PCDHGB2: variants seen among roughly 807,000 people sequenced by gnomAD.
PCDHGB2 encodes the protein protocadherin gamma subfamily B, 2, also known as protocadherin gamma-B2.
PCDHGB2 carries 55 observed loss-of-function variants against 59.3 expected under a neutral mutation model. The ratio of observed to expected loss-of-function variants is 0.93; its 90% CI spans 0.75 to 1.16. The LOEUF is 1.16. Among genes scored for constraint, PCDHGB2 ranks in the 50% most tolerant of loss-of-function variants. The pLI is 0.00. For missense variants in PCDHGB2, 1,228 were observed against 1,198.5 expected, an observed-to-expected ratio of 1.02 and a Z score of -0.36; for synonymous variants, 516 against 512.0, an observed-to-expected ratio of 1.01 and a Z score of -0.11.
intron 1 of PCDHGB2, chr5:141,390,879 T>C (rs965843602): frequency 1.3e-5 from 2 of 153,458 alleles, no homozygotes; most frequent in African/African-American, 4.8e-5. Flanking sequence ...TGTGTGTGTG[T>C]GTGTGTGTGA....
chr5:141,510,400 TA>T (rs780031896), intron 3 of PCDHGB2, among the ~76,000 whole-genome samples: 12 of 151,920 alleles, frequency 7.9e-5, no homozygotes, highest in Non-Finnish European at 1.3e-4. Flanking sequence ...TGGCAAAGGC[TA>T]GGGGCATGTA....
rs368850413 is a variant in PCDHGB2, at chr5:141,400,711, C to T, written c.2421+38155C>T. 8.7e-6 allele frequency: 6 copies of T among 691,160 alleles called. No individual in the cohort carries two copies. The African/African-American group carries it at 9.0e-5, about 10-fold the overall frequency. The allele number at this position is 691,160 out of a possible 1,614,324, so 42.8% of individuals were successfully genotyped here. On this transcript the variant is annotated intron_variant, in intron 1 of 3. Coordinates refer to ENST00000522605, the MANE Select transcript of PCDHGB2 (RefSeq NM_018923.3). Reference sequence around the variant, plus strand: ...TTTTATGTCGCATAAAAGAAGTAGCCTTATAGATTTACAAAGTAGTGAGAG... The same window carrying T: ...TTTTATGTCGCATAAAAGAAGTAGCTTTATAGATTTACAAAGTAGTGAGAG...
chr5:141,512,897 C>T lies in PCDHGB2; in HGVS notation c.*1724C>T, dbSNP rs1482341871. ...CTCCCACCCCACCCTCTTCCTGTGT[C>T]TCACGCAAGTTTTATACTCTAATAT... On this transcript the variant is annotated 3_prime_UTR_variant, in exon 4 of 4. Coordinates refer to ENST00000522605, the MANE Select transcript of PCDHGB2 (RefSeq NM_018923.3). 1.3e-5 allele frequency: 2 copies of T among 152,274 alleles called. No homozygotes were observed. The highest frequency in any genetic ancestry group is 4.8e-5 in the African/African-American group (2 of 41,470). The allele number at this position is 152,274 out of a possible 1,614,324, so 9.4% of individuals were successfully genotyped here. A position where few individuals can be genotyped will look rare whatever the true frequency, so the allele number is the denominator to read the frequency against.
rs775489120 is a variant in PCDHGB2 at position 141,418,594 on chromosome 5, C to T, written c.2421+56038C>T. ...ACAACCCCCCAGTGTTCAGCCAGGA[C>T]GTGTACAGGGTTAGCCTTCGGGAAG... On this transcript the variant is annotated intron_variant, in intron 1 of 3. Coordinates refer to ENST00000522605, the MANE Select transcript of PCDHGB2 (RefSeq NM_018923.3). The T allele has an allele frequency of 3.1e-6, 5 of 1,614,022 alleles. No individual in the cohort carries two copies. In the Admixed American group the frequency reaches 8.3e-5, roughly 27 times the overall value.
rs1342481070 is a variant in PCDHGB2 at position 141,485,056 on chromosome 5, C to T, written c.2422-9751C>T. 8 of 840,338 alleles carry T rather than the reference C, an allele frequency of 9.5e-6. No homozygotes were observed. The Admixed American group carries it at 1.9e-4, about 20-fold the overall frequency. 52.1% of individuals were successfully genotyped at this position (840,338 alleles called of 1,614,324 possible). A position where few individuals can be genotyped will look rare whatever the true frequency, so the allele number is the denominator to read the frequency against. The stretch of plus-strand genomic sequence containing the variant: ...CGTAACCCTTGCGGCGCCGGCCGAA[C>T]CGCGCCAGAGCTGGCGCGGGGAAAG... On this transcript the variant is annotated intron_variant, in intron 1 of 3. Transcript: ENST00000522605. The surrounding 1 kb of genome is among the most constrained non-coding windows in gnomAD (Gnocchi z 5.7).
intron 1 of PCDHGB2, among the ~76,000 whole-genome samples, chr5:141,466,268 T>A (rs568525260): frequency 6.6e-6 from 1 of 152,150 alleles, no homozygotes; most frequent in Non-Finnish European, 1.5e-5. Context: ...CCTCGTGAGC[T>A]CAAGCAATCT....
At chr5:141,460,132 T>TAAAA in intron 1 of PCDHGB2, among the ~76,000 whole-genome samples, 1 of 152,036 alleles carries the variant, frequency 6.6e-6, no homozygotes, top group South Asian at 2.1e-4. Context: ...GTAATATATA[T>TAAAA]ATTCTTGATG....
intron 1 of PCDHGB2, chr5:141,414,397 T>C: frequency 6.2e-7 from 1 of 1,613,920 alleles, no homozygotes; most frequent in Middle Eastern, 1.6e-4. Context: ...TTATTACAGA[T>C]TGGTGATACA....
chr5:141,466,278 T>G (rs1459665755), intron 1 of PCDHGB2, among the ~76,000 whole-genome samples: 1 of 152,128 alleles, frequency 6.6e-6, no homozygotes, highest in Non-Finnish European at 1.5e-5. Context: ...TCAAGCAATC[T>G]TCCCACCTCA....
chr5:141,432,386 A>C lies in PCDHGB2; in HGVS notation c.2422-62421A>C. 1 of 1,614,204 alleles carries C rather than the reference A, an allele frequency of 6.2e-7. No homozygotes were observed. Among genetic ancestry groups the C allele is most frequent in the Non-Finnish European group, 8.5e-7 (1 of 1,180,032 alleles). ...GCGGGACAACGGGCACCCGCCCCTC[A>C]GCAGCAACGTGTCGTTGAGCCTGTT... On this transcript the variant is annotated intron_variant, in intron 1 of 3. Transcript: ENST00000522605. This position sits in a 1 kb window ranked among gnomAD's most constrained non-coding sequence, Gnocchi z 6.0.
chr5:141,388,572 G>A, intron 1 of PCDHGB2: 6 of 1,613,808 alleles, frequency 3.7e-6, no homozygotes, highest in South Asian at 2.2e-5. Flanking sequence ...ACAGATACAC[G>A]TTCTAGTGAC....
At chr5:141,423,749 T>TTG (rs1249843775) in intron 1 of PCDHGB2, 127 of 272,264 alleles carry the variant, frequency 4.7e-4, no homozygotes, top group South Asian at 6.4e-4. Context: ...TGAAAACTGT[T>TTG]TGGGGGGGGG....
intron 1 of PCDHGB2, chr5:141,389,244 T>C: frequency 6.2e-7 from 1 of 1,614,036 alleles, no homozygotes; most frequent in Non-Finnish European, 8.5e-7. Context: ...CTCACAGTCT[T>C]CCTATATAGT....
rs767983504 is a variant in PCDHGB2, at chr5:141,393,225, C to T, written c.2421+30669C>T. On this transcript the variant is annotated intron_variant, in intron 1 of 3. Coordinates refer to ENST00000522605, the MANE Select transcript of PCDHGB2 (RefSeq NM_018923.3). ...TAACCCAAAATTCCAGGTCGAAGATCTAGAAGTAAAAATTAACGAAATCGC... is the reference window on the plus strand; with the variant it reads ...TAACCCAAAATTCCAGGTCGAAGATTTAGAAGTAAAAATTAACGAAATCGC... 7 of 1,613,552 alleles carry T rather than the reference C, an allele frequency of 4.3e-6. No individual in the cohort carries two copies. The South Asian group carries it at 5.5e-5, about 13-fold the overall frequency.
chr5:141,371,825 G>A (rs1239561889), intron 1 of PCDHGB2: 1 of 1,613,792 alleles, frequency 6.2e-7, no homozygotes, highest in Non-Finnish European at 8.5e-7. Context: ...TCAGAGCCTC[G>A]GATCCCGACT....
At chr5:141,389,445 G>C in intron 1 of PCDHGB2, 3 of 1,610,528 alleles carry the variant, frequency 1.9e-6, no homozygotes, top group Non-Finnish European at 2.5e-6. Flanking sequence ...CTTCGACCAC[G>C]AGCAGCTGCG....
At chr5:141,407,649 G>A (rs541467957) in intron 1 of PCDHGB2, among the ~76,000 whole-genome samples, 1 of 152,050 alleles carries the variant, frequency 6.6e-6, no homozygotes, top group East Asian at 1.9e-4. Flanking sequence ...AAAATAATGG[G>A]GGAGCGCAGT....
At chr5:141,385,262 A>C (rs746220376) in intron 1 of PCDHGB2, 5 of 1,613,732 alleles carry the variant, frequency 3.1e-6, no homozygotes, top group Non-Finnish European at 4.2e-6. Flanking sequence ...TGTGAGAAAA[A>C]TGATTCTTTG....
At chr5:141,433,129 C>T in intron 1 of PCDHGB2, 1 of 1,614,130 alleles carries the variant, frequency 6.2e-7, no homozygotes, top group Non-Finnish European at 8.5e-7. Context: ...AAAGCGAGCC[C>T]CTTTTGCTGT....
Sources: gnomAD v4.1 joint callset for allele counts (sites outside exome capture counted in the v4.1 genomes callset) on GRCh38, gnomAD v4.1.1 for gene constraint, Gnocchi (gnomAD v3.1) non-coding constraint, MANE v1.5 for transcripts, NCBI Gene and HGNC (gene_info 2026-07-23, HGNC 2026-07-21) for gene names.